The following SYT1 variants were observed in gnomAD, a reference collection of about 807,000 sequenced individuals.
SYT1 encodes the protein synaptotagmin 1.
Under a neutral mutation model 44.8 loss-of-function variants are expected in SYT1, and 8 were observed. The observed-to-expected ratio is 0.18, with a 90% CI of 0.10 to 0.32. The LOEUF (loss-of-function observed/expected upper bound fraction) is 0.32, where lower values mean the gene tolerates loss of function less well. Ranked by LOEUF, SYT1 falls within the 10% of genes least tolerant of loss-of-function variation. The probability of loss-of-function intolerance (pLI) is 1.00; values close to 1 mark genes in which losing one functional copy is unlikely to be tolerated. For synonymous variants in SYT1, 154 were observed against 188.8 expected, an observed-to-expected ratio of 0.82 and a Z score of 1.51; for missense variants, 286 against 509.3, an observed-to-expected ratio of 0.56 and a Z score of 4.22.
chr12:79,361,072 A>G (rs890170679), intron 9 of SYT1, among the ~76,000 whole-genome samples: 4 of 152,212 alleles, frequency 2.6e-5, no homozygotes, highest in African/African-American at 4.8e-5. Context: ...GCCAGCAGGT[A>G]TATATCCAAT....
chr12:78,883,768 A>G (rs1874588461), intron 1 of SYT1, among the ~76,000 whole-genome samples: 2 of 151,192 alleles, frequency 1.3e-5, no homozygotes, highest in Admixed American at 1.3e-4. Flanking sequence ...TTCTTTCTCT[A>G]TTTTTAACCA....
chr12:78,914,732 G>A (rs1400572746), intron 1 of SYT1, among the ~76,000 whole-genome samples: 2 of 151,730 alleles, frequency 1.3e-5, no homozygotes, highest in Non-Finnish European at 2.9e-5. Flanking sequence ...TGCTATATTA[G>A]GAATATTTAT....
rs1363035673 is a variant in SYT1, at chr12:78,931,323, GGGAGGGAGGGAGGGAA to G, written c.-216-46472_-216-46457del. Among the ~76,000 whole-genome samples the G allele has an allele frequency of 9.4e-4, 24 of 25,526 alleles. 1 individual carries two copies. The highest frequency in any genetic ancestry group is 5.5e-3 in the African/African-American group (22 of 3,996). The allele number at this position is 25,526 out of a possible 152,430, so 16.7% of individuals were successfully genotyped here. A position where few individuals can be genotyped will look rare whatever the true frequency, so the allele number is the denominator to read the frequency against. The stretch of plus-strand genomic sequence containing the variant: ...GGAAGGAAGGAGAGGGAGGGAGGGA[GGGAGGGAGGGAGGGAA>G]GGAAGGAAGGAAGGAAGGAAGGAAG... On this transcript the variant is annotated intron_variant, in intron 1 of 10. Coordinates refer to ENST00000261205, the MANE Select transcript of SYT1 (RefSeq NM_005639.3).
At chr12:78,919,504 C>T (rs189097844) in intron 1 of SYT1, among the ~76,000 whole-genome samples, 2 of 152,144 alleles carry the variant, frequency 1.3e-5, no homozygotes, top group African/African-American at 4.8e-5. Flanking sequence ...ATCGTTAGTT[C>T]CCCTTACATT....
chr12:78,998,892 A>G (rs866963717), intron 2 of SYT1, among the ~76,000 whole-genome samples: 2 of 152,238 alleles, frequency 1.3e-5, no homozygotes, highest in Non-Finnish European at 2.9e-5. Context: ...TGCAAAGTCC[A>G]GTGGAAATTT....
rs1316442127 is a variant in SYT1 at position 78,875,005 on chromosome 12, A to G, written c.-217+9896A>G. On this transcript the variant is annotated intron_variant, in intron 1 of 10. Coordinates refer to ENST00000261205, the MANE Select transcript of SYT1 (RefSeq NM_005639.3). Reference sequence around the variant, plus strand: ...TACAAGACTTGAAGAAATTAAGCTTAGTAGAACCAAGAACAGCAAATTGCA... The same window carrying G: ...TACAAGACTTGAAGAAATTAAGCTTGGTAGAACCAAGAACAGCAAATTGCA... 4.0e-5 allele frequency among the ~76,000 whole-genome samples: 6 copies of G among 151,618 alleles called. No homozygotes were observed. In the South Asian group the frequency reaches 1.2e-3, roughly 31 times the overall value.
chr12:78,896,419 T>A (rs937183688), intron 1 of SYT1, among the ~76,000 whole-genome samples: 1 of 151,752 alleles, frequency 6.6e-6, no homozygotes, highest in African/African-American at 2.4e-5. Flanking sequence ...CCTTTTCTGT[T>A]GAACAAATGA....
At chr12:79,139,142 G>A (rs548160175) in intron 3 of SYT1, among the ~76,000 whole-genome samples, 10 of 152,178 alleles carry the variant, frequency 6.6e-5, no homozygotes, top group Admixed American at 5.9e-4. Flanking sequence ...GTCCTTAGTC[G>A]CAGGCCTCCT....
At chr12:79,176,443 C>T (rs1184980385) in intron 3 of SYT1, among the ~76,000 whole-genome samples, 1 of 151,992 alleles carries the variant, frequency 6.6e-6, no homozygotes, top group Non-Finnish European at 1.5e-5. Flanking sequence ...ACAATAGAAA[C>T]ACTTCACAGT....
chr12:79,216,168 T>A (rs1400967337), intron 3 of SYT1, among the ~76,000 whole-genome samples: 1 of 152,060 alleles, frequency 6.6e-6, no homozygotes, highest in African/African-American at 2.4e-5. Context: ...TGACCTCAAG[T>A]GATCCGCCTG....
At chr12:78,916,824 G>A (rs1876681125) in intron 1 of SYT1, among the ~76,000 whole-genome samples, 1 of 151,860 alleles carries the variant, frequency 6.6e-6, no homozygotes, top group Non-Finnish European at 1.5e-5. Flanking sequence ...AAAATTGAGA[G>A]GCAGGTACAG....
At chr12:79,163,681 T>C (rs973525538) in intron 3 of SYT1, among the ~76,000 whole-genome samples, 3 of 152,060 alleles carry the variant, frequency 2.0e-5, no homozygotes, top group African/African-American at 7.2e-5. Context: ...CAGCTGACCC[T>C]TCCTTTGGTG....
At chr12:78,942,139 C>A (rs1024347836) in intron 1 of SYT1, among the ~76,000 whole-genome samples, 5 of 152,212 alleles carry the variant, frequency 3.3e-5, no homozygotes, top group Admixed American at 2.6e-4. Context: ...AAAGAATTAA[C>A]CTTCATTTGA....
chr12:78,912,195 C>T (rs896748237), intron 1 of SYT1, among the ~76,000 whole-genome samples: 1 of 151,330 alleles, frequency 6.6e-6, no homozygotes, highest in African/African-American at 2.4e-5. Context: ...ATATTTTTAC[C>T]CCATCTTCTT....
At chr12:79,087,706 G>T (rs145963791) in intron 3 of SYT1, among the ~76,000 whole-genome samples, 51 of 152,206 alleles carry the variant, frequency 3.4e-4, no homozygotes, top group African/African-American at 1.2e-3. Flanking sequence ...ACTTTCTGAA[G>T]AAAGTGATGT....
chr12:79,262,645 C>G (rs751711951), intron 4 of SYT1, among the ~76,000 whole-genome samples: 4 of 152,134 alleles, frequency 2.6e-5, no homozygotes, highest in Non-Finnish European at 4.4e-5. Flanking sequence ...AATGGGGGTG[C>G]CAACTGCTTT....
chr12:79,186,585 A>C (rs1253988799), intron 3 of SYT1, among the ~76,000 whole-genome samples: 1 of 152,066 alleles, frequency 6.6e-6, no homozygotes, highest in Non-Finnish European at 1.5e-5. Context: ...CATTTCAGTT[A>C]GTAAAAATGT....
chr12:78,964,572 A>T (rs184607012), intron 1 of SYT1, among the ~76,000 whole-genome samples: 156 of 152,312 alleles, frequency 1.0e-3, no homozygotes, highest in African/African-American at 2.7e-3. Context: ...CACAATTGAA[A>T]TAGTGAATAT....
intron 2 of SYT1, among the ~76,000 whole-genome samples, chr12:79,016,686 T>C (rs1198412330): frequency 6.6e-6 from 1 of 152,118 alleles, no homozygotes; most frequent in Non-Finnish European, 1.5e-5. Flanking sequence ...TTTTTAAAAC[T>C]GGTGGAAGTT....
Sources: gnomAD v4.1 joint callset for allele counts (sites outside exome capture counted in the v4.1 genomes callset) on GRCh38, gnomAD v4.1.1 for gene constraint, MANE v1.5 for transcripts, NCBI Gene and HGNC (gene_info 2026-07-23, HGNC 2026-07-21) for gene names.